Variants in AUTS2 observed in about 807,000 individuals in gnomAD.
AUTS2 encodes autism susceptibility gene 2 protein.
A neutral mutation model predicts 112.4 loss-of-function variants in AUTS2; 17 were observed. The ratio of observed to expected loss-of-function variants is 0.15; its 90% CI spans 0.10 to 0.23. AUTS2 has a LOEUF of 0.23. Among genes scored for constraint, AUTS2 ranks in the 10% least tolerant of loss-of-function variants. The pLI is 1.00. For synonymous variants in AUTS2, 751 were observed against 702.7 expected, an observed-to-expected ratio of 1.07 and a Z score of -1.09; for missense variants, 1,510 against 1,701.6, an observed-to-expected ratio of 0.89 and a Z score of 1.98.
At chr7:69,623,380 A>G (rs1358667207) in intron 1 of AUTS2, among the ~76,000 whole-genome samples, 2 of 50,322 alleles carry the variant, frequency 4.0e-5, no homozygotes, top group Non-Finnish European at 8.0e-5. Context: ...CACGCCCAGC[A>G]ATTTTTTTTT....
At chr7:70,591,972 A>G (rs1306322401) in intron 5 of AUTS2, among the ~76,000 whole-genome samples, 1 of 152,222 alleles carries the variant, frequency 6.6e-6, no homozygotes, top group East Asian at 1.9e-4. Flanking sequence ...AATAGAGATG[A>G]TCATCTATGA....
At chr7:70,162,871 T>C (rs547741210) in intron 4 of AUTS2, among the ~76,000 whole-genome samples, 2 of 152,336 alleles carry the variant, frequency 1.3e-5, no homozygotes, top group Non-Finnish European at 2.9e-5. Context: ...TTATATTCTT[T>C]CCATGCATAT....
chr7:69,909,936 C>A (rs1239906319), intron 2 of AUTS2, among the ~76,000 whole-genome samples: 1 of 152,128 alleles, frequency 6.6e-6, no homozygotes, highest in Non-Finnish European at 1.5e-5. Flanking sequence ...TTAAAAAATA[C>A]TATCATCAAA....
chr7:69,942,079 T>C (rs1796646871), intron 2 of AUTS2, among the ~76,000 whole-genome samples: 1 of 152,202 alleles, frequency 6.6e-6, no homozygotes, highest in Non-Finnish European at 1.5e-5. Context: ...TATGGTCATA[T>C]TGCACTTCAG....
intron 5 of AUTS2, among the ~76,000 whole-genome samples, chr7:70,557,333 C>A (rs180891869): frequency 4.3e-4 from 66 of 152,302 alleles, no homozygotes; most frequent in Middle Eastern, 3.4e-3. Context: ...CCTCTGGCCA[C>A]AGCCACCCCT....
At chr7:70,445,311 C>T (rs1468609236) in intron 5 of AUTS2, among the ~76,000 whole-genome samples, 1 of 152,148 alleles carries the variant, frequency 6.6e-6, no homozygotes, top group Non-Finnish European at 1.5e-5. Flanking sequence ...CCCCGTACGT[C>T]AGTGTGAGTT....
intron 5 of AUTS2, among the ~76,000 whole-genome samples, chr7:70,464,674 G>A: frequency 6.6e-6 from 1 of 152,168 alleles, no homozygotes; most frequent in Non-Finnish European, 1.5e-5. Flanking sequence ...TTTGGAAAGT[G>A]CCAGAATAAG....
intron 4 of AUTS2, among the ~76,000 whole-genome samples, chr7:70,196,377 C>T (rs1810173835): frequency 6.6e-6 from 1 of 152,168 alleles, no homozygotes; most frequent in Non-Finnish European, 1.5e-5. Context: ...CTTCTTTTAG[C>T]ATAAAAGCTA....
chr7:70,462,939 C>G (rs1026260197), intron 5 of AUTS2, among the ~76,000 whole-genome samples: 2 of 150,566 alleles, frequency 1.3e-5, no homozygotes, highest in African/African-American at 4.9e-5. Context: ...GCCTGGGTGA[C>G]AGAGCGAGAC....
intron 5 of AUTS2, among the ~76,000 whole-genome samples, chr7:70,626,953 G>A (rs1380219802): frequency 6.6e-6 from 1 of 152,200 alleles, no homozygotes; most frequent in Non-Finnish European, 1.5e-5. Flanking sequence ...CTTCACTCTT[G>A]TGAATAGTGC....
rs544924017 is a variant in AUTS2, at chr7:70,143,555, G to A, written c.660+8984G>A. Among the ~76,000 whole-genome samples, 5 of 152,258 alleles carry A rather than the reference G, an allele frequency of 3.3e-5. No homozygotes were observed. The South Asian group carries it at 6.2e-4, about 19-fold the overall frequency. On this transcript the variant is annotated intron_variant, in intron 4 of 18. Transcript: ENST00000342771. ...CAATTTTTCTTCAGTAATTAGCTTC[G>A]CTAACAGCCATGTCAAAGGGACCTT... is the stretch of plus-strand genomic sequence containing the variant.
intron 1 of AUTS2, among the ~76,000 whole-genome samples, chr7:69,756,922 A>T (rs577609697): frequency 3.9e-5 from 6 of 152,206 alleles, no homozygotes; most frequent in Non-Finnish European, 8.8e-5. Context: ...GCTTTGGGTC[A>T]ATAAAGAAAC....
intron 1 of AUTS2, among the ~76,000 whole-genome samples, chr7:69,607,944 G>T (rs1165076413): frequency 6.6e-6 from 1 of 151,952 alleles, no homozygotes; most frequent in East Asian, 1.9e-4. Context: ...CTTTTATTTT[G>T]TTTTTTTGAG....
Position 70,469,455 on chromosome 7 carries a change from C to T in AUTS2, c.690+33674C>T, listed in dbSNP as rs566055353. Among the ~76,000 whole-genome samples, 9 of 152,240 alleles carry T rather than the reference C, an allele frequency of 5.9e-5. No individual in the cohort carries two copies. In the East Asian group the frequency reaches 1.7e-3, roughly 29 times the overall value. On this transcript the variant is annotated intron_variant, in intron 5 of 18. Transcript: ENST00000342771. ...AAGAGCAAAGGCCCTGAGGCTGGAA[C>T]ATGTTTGGCATCTCTAGAAAGCCTG...
intron 1 of AUTS2, among the ~76,000 whole-genome samples, chr7:69,730,091 C>T (rs912284807): frequency 6.7e-6 from 1 of 148,890 alleles, no homozygotes; most frequent in Admixed American, 6.7e-5. Flanking sequence ...ATACTCCCAC[C>T]TCAGCCGCCT....
At chr7:70,481,679 C>G (rs1219307239) in intron 5 of AUTS2, among the ~76,000 whole-genome samples, 1 of 152,168 alleles carries the variant, frequency 6.6e-6, no homozygotes, top group African/African-American at 2.4e-5. Context: ...ATCAATACGT[C>G]CCCTGTGTAT....
chr7:70,560,597 A>G (rs1225825586), intron 5 of AUTS2, among the ~76,000 whole-genome samples: 1 of 152,230 alleles, frequency 6.6e-6, no homozygotes, highest in Non-Finnish European at 1.5e-5. Context: ...CATCTTCTCA[A>G]AGTTACACTT....
At chr7:70,578,120 G>A (rs1312378725) in intron 5 of AUTS2, among the ~76,000 whole-genome samples, 6 of 152,252 alleles carry the variant, frequency 3.9e-5, no homozygotes, top group South Asian at 2.1e-4. Flanking sequence ...GTGAGCCACC[G>A]CACCTGGCCT....
Position 69,599,980 on chromosome 7 carries a change from T to TC in AUTS2, c.309+23dup. Reference sequence around the variant, plus strand: ...CGCTGGAGGTAAGGGGGACCCCCCTTCCCCCGGGTTCCCTTTATGCACGAC... The same window carrying TC: ...CGCTGGAGGTAAGGGGGACCCCCCTTCCCCCCGGGTTCCCTTTATGCACGAC... On this transcript the variant is annotated intron_variant, in intron 1 of 18. Coordinates refer to ENST00000342771, the MANE Select transcript of AUTS2 (RefSeq NM_015570.4). The surrounding 1 kb of genome is among the most constrained non-coding windows in gnomAD (Gnocchi z 7.0). 1.9e-6 allele frequency: 3 copies of TC among 1,611,964 alleles called. No homozygotes were observed. The highest frequency in any genetic ancestry group is 2.5e-6 in the Non-Finnish European group (3 of 1,179,264).
Sources: gnomAD v4.1 joint callset for allele counts (sites outside exome capture counted in the v4.1 genomes callset) on GRCh38, gnomAD v4.1.1 for gene constraint, Gnocchi (gnomAD v3.1) non-coding constraint, MANE v1.5 for transcripts, NCBI Gene and HGNC (gene_info 2026-07-23, HGNC 2026-07-21) for gene names.